KCNK1: variants seen among roughly 807,000 people sequenced by gnomAD.
KCNK1 encodes potassium two pore domain channel subfamily K member 1.
Under a neutral mutation model 22.2 loss-of-function variants are expected in KCNK1, and 10 were observed. The ratio of observed to expected loss-of-function variants is 0.45; its 90% confidence interval spans 0.28 to 0.76. The LOEUF is 0.76. KCNK1 is among the 30% of genes least tolerant of loss of function. KCNK1 has a pLI of 0.14. For synonymous variants in KCNK1, 200 were observed against 186.4 expected, an observed-to-expected ratio of 1.07 and a Z score of -0.60; for missense variants, 378 against 421.0, an observed-to-expected ratio of 0.90 and a Z score of 0.89.
intron 1 of KCNK1, among the ~76,000 whole-genome samples, chr1:233,635,104 T>G (rs1380709095): frequency 6.6e-6 from 1 of 151,882 alleles, no homozygotes; most frequent in East Asian, 1.9e-4. Flanking sequence ...CAGGTAAATA[T>G]CCAAGTGTTT....
In KCNK1 at chr1:233,614,438, C is replaced by T. The variant is rs1331634619; in HGVS notation, c.267C>T (p.Gly89=). 6.2e-7 allele frequency: 1 copy of T among 1,613,302 alleles called. No individual in the cohort carries two copies. Among genetic ancestry groups the T allele is most frequent in the East Asian group, 2.2e-5 (1 of 44,826 alleles). The change falls in exon 1 of 3, where the codon GGC becomes GGT. Residue 89 remains glycine, a synonymous_variant. Transcript: ENST00000366621. ...GGGTGCTGGAGGCCAGCAACTACGG[C>T]GTGTCGGTGCTCAGCAACGCCTCGG... The part of the protein sequence containing the change: ...LGRVLEASNY[G]VSVLSNASGN...
At chr1:233,616,714 A>C (rs1657493330) in intron 1 of KCNK1, among the ~76,000 whole-genome samples, 1 of 152,238 alleles carries the variant, frequency 6.6e-6, no homozygotes, top group African/African-American at 2.4e-5. Flanking sequence ...ATTATTTGAC[A>C]CATTTGATAT....
Position 233,619,928 on chromosome 1 carries a change from G to A in KCNK1, c.355+5402G>A, listed in dbSNP as rs184485484. On this transcript the variant is annotated intron_variant, in intron 1 of 2. Transcript: ENST00000366621. Reference sequence around the variant, plus strand: ...CCTCCGTCTAAGCGAGGGGGGCGGGGGGGCGGGGGGGCAGGGGGGTGAAGA... The same window carrying A: ...CCTCCGTCTAAGCGAGGGGGGCGGGAGGGCGGGGGGGCAGGGGGGTGAAGA... Among the ~76,000 whole-genome samples the A allele has an allele frequency of 8.6e-3, 1,193 of 138,808 alleles. 9 individuals are homozygous for A. The highest frequency in any genetic ancestry group is 0.013 in the Admixed American group (190 of 14,106). The allele number at this position is 138,808 out of a possible 152,430, so 91.1% of individuals were successfully genotyped here.
intron 1 of KCNK1, among the ~76,000 whole-genome samples, chr1:233,640,344 A>G (rs954140105): frequency 1.3e-5 from 2 of 151,290 alleles, no homozygotes; most frequent in Admixed American, 1.3e-4. Context: ...AGTAATAAAG[A>G]AATAATTGGA....
chr1:233,669,677 T>G (rs1658562808), intron 2 of KCNK1, among the ~76,000 whole-genome samples: 1 of 152,082 alleles, frequency 6.6e-6, no homozygotes, highest in African/African-American at 2.4e-5. Flanking sequence ...TGAAACACCA[T>G]CTCTACTAAA....
chr1:233,654,278 T>C (rs893035958), intron 1 of KCNK1, among the ~76,000 whole-genome samples: 1 of 152,096 alleles, frequency 6.6e-6, no homozygotes, highest in African/African-American at 2.4e-5. Flanking sequence ...GACAGGTTGA[T>C]AGATGCAGTA....
chr1:233,624,291 G>A (rs866443594), intron 1 of KCNK1: 4 of 152,494 alleles, frequency 2.6e-5, no homozygotes, highest in Middle Eastern at 2.9e-3. Flanking sequence ...CCCAGGATGC[G>A]CTGAGCCAGG....
Position 233,672,371 on chromosome 1 carries a change from T to A in KCNK1, c.*841T>A, listed in dbSNP as rs1658616956. 2 of 151,860 alleles carry A rather than the reference T, an allele frequency of 1.3e-5. No individual in the cohort carries two copies. The highest frequency in any genetic ancestry group is 4.8e-5 in the African/African-American group (2 of 41,360). 9.4% of individuals were successfully genotyped at this position (151,860 alleles called of 1,614,324 possible). ...TATTAAAAGGTTAAGATACTTTGTT[T>A]TGAAAGTACATTGTGATTTGCAGCC... On this transcript the variant is annotated 3_prime_UTR_variant, in exon 3 of 3. Coordinates refer to ENST00000366621, the MANE Select transcript of KCNK1 (RefSeq NM_002245.4).
At chr1:233,648,269 A>G (rs1007719973) in intron 1 of KCNK1, among the ~76,000 whole-genome samples, 4 of 152,160 alleles carry the variant, frequency 2.6e-5, no homozygotes, top group Non-Finnish European at 5.9e-5. Context: ...CTGTGTTCCT[A>G]TGTCCATATT....
At chr1:233,635,308 G>A (rs1657878945) in intron 1 of KCNK1, among the ~76,000 whole-genome samples, 1 of 152,178 alleles carries the variant, frequency 6.6e-6, no homozygotes, top group Non-Finnish European at 1.5e-5. Context: ...GCCATATTTA[G>A]TGTTTATTCA....
chr1:233,633,774 T>G (rs1657846923), intron 1 of KCNK1, among the ~76,000 whole-genome samples: 1 of 152,114 alleles, frequency 6.6e-6, no homozygotes, highest in African/African-American at 2.4e-5. Context: ...AAGGAAGAGA[T>G]ACAAACAGCC....
Position 233,671,287 on chromosome 1 carries a change from C to A in KCNK1, c.768C>A (p.Gly256=). Reference sequence around the variant, plus strand: ...CTCACACAGGTTACCTGCTACTTGGCCTTATTGCCATGTTGGTAGTTCTGG... The same window carrying A: ...CTCACACAGGTTACCTGCTACTTGGACTTATTGCCATGTTGGTAGTTCTGG... ...KIGITCYLLL[G]LIAMLVVLET... is the part of the protein sequence containing the mutation. The change falls in exon 3 of 3, where the codon GGC becomes GGA. Residue 256 remains glycine (G), a synonymous_variant. Transcript: ENST00000366621. 1.9e-6 allele frequency: 3 copies of A among 1,614,122 alleles called. No individual in the cohort carries two copies. Among genetic ancestry groups the A allele is most frequent in the Non-Finnish European group, 2.5e-6 (3 of 1,179,984 alleles).
At chr1:233,664,154 A>G (rs1658450141) in intron 1 of KCNK1, among the ~76,000 whole-genome samples, 2 of 152,034 alleles carry the variant, frequency 1.3e-5, no homozygotes, top group Admixed American at 6.6e-5. Flanking sequence ...TTATGGTTAA[A>G]TAAAGTTCCA....
chr1:233,647,565 G>A (rs1658121662), intron 1 of KCNK1, among the ~76,000 whole-genome samples: 1 of 152,098 alleles, frequency 6.6e-6, no homozygotes, highest in Non-Finnish European at 1.5e-5. Context: ...TCAGTCCTCG[G>A]TGCTCTCCTT....
intron 1 of KCNK1, among the ~76,000 whole-genome samples, chr1:233,648,637 T>A (rs566339778): frequency 1.3e-5 from 2 of 152,088 alleles, no homozygotes; most frequent in Non-Finnish European, 2.9e-5. Context: ...TGATCTTGGT[T>A]CACTGGGCAA....
intron 1 of KCNK1, among the ~76,000 whole-genome samples, chr1:233,615,518 C>G (rs1657473773): frequency 6.6e-6 from 1 of 152,206 alleles, no homozygotes; most frequent in African/African-American, 2.4e-5. Flanking sequence ...TCTGAAAGAG[C>G]GTTCAGCACA....
chr1:233,621,786 G>T (rs991725447), intron 1 of KCNK1, among the ~76,000 whole-genome samples: 38 of 152,112 alleles, frequency 2.5e-4, no homozygotes, highest in African/African-American at 8.4e-4. Context: ...GCCCCTGGAA[G>T]ATACTGCTAC....
chr1:233,642,582 A>C (rs1285426646), intron 1 of KCNK1, among the ~76,000 whole-genome samples: 2 of 152,200 alleles, frequency 1.3e-5, no homozygotes, highest in East Asian at 3.9e-4. Context: ...GAGGCTGGAC[A>C]GGTGGGCAGG....
At chr1:233,629,780 C>CGGAGCTTGT (rs1657758426) in intron 1 of KCNK1, 1 of 152,170 alleles carries the variant, frequency 6.6e-6, no homozygotes, top group Admixed American at 6.5e-5. Context: ...AAACCATGGG[C>CGGAGCTTGT]GGAGCTTGTC....
Sources: gnomAD v4.1 joint callset for allele counts (sites outside exome capture counted in the v4.1 genomes callset) on GRCh38, gnomAD v4.1.1 for gene constraint, MANE v1.5 for transcripts, NCBI Gene and HGNC (gene_info 2026-07-23, HGNC 2026-07-21) for gene names.